EPS8L2: variants seen among roughly 807,000 people sequenced by gnomAD.
The protein encoded by EPS8L2 is epidermal growth factor receptor kinase substrate 8-like protein 2.
A neutral mutation model predicts 99.4 loss-of-function variants in EPS8L2; 81 were observed. The ratio of observed to expected loss-of-function variants is 0.82; its 90% CI spans 0.68 to 0.98. EPS8L2 has a LOEUF of 0.98. EPS8L2 is among the 50% of genes least tolerant of loss of function. The pLI is 0.00. For missense variants in EPS8L2, 1,155 were observed against 968.8 expected, an observed-to-expected ratio of 1.19 and a Z score of -2.55; for synonymous variants, 509 against 407.3, an observed-to-expected ratio of 1.25 and a Z score of -3.01.
chr11:725,633 C>G, intron 16 of EPS8L2, 95 bp from the exon 17 acceptor site: 1 of 1,202,990 alleles, frequency 8.3e-7, no homozygotes, highest in Non-Finnish European at 1.0e-6. Flanking sequence ...CCGGGAGACC[C>G]TAGGGCGCTC....
chr11:709,752 A>G, intron 3 of EPS8L2, 144 bp downstream of exon 3: 1 of 900,624 alleles, frequency 1.1e-6, no homozygotes, highest in Non-Finnish European at 1.7e-6. Flanking sequence ...TCTGGACCCT[A>G]ATCAACCTTC....
chr11:721,660 G>A lies in EPS8L2; in HGVS notation c.864G>A (p.Lys288=), dbSNP rs1283543296. The part of the protein sequence containing the change: ...EAFKQLNQRK[K]GKKKGKKAPA... ...TCAAGCAGCTGAACCAGCGGAAAAA[G>A]GGGAAGAAGAAGGGCAAGAAGGCGC... The change falls in exon 10 of 21, where the codon AAG becomes AAA. Residue 288 remains lysine, a synonymous_variant. Transcript: ENST00000318562. The A allele has an allele frequency of 4.4e-6, 7 of 1,587,538 alleles. No individual in the cohort carries two copies. Among genetic ancestry groups the A allele is most frequent in the Middle Eastern group, 1.7e-4 (1 of 5,950 alleles).
intron 16 of EPS8L2, among the ~76,000 whole-genome samples, chr11:725,297 G>A (rs1047479571): frequency 2.0e-5 from 3 of 152,224 alleles, no homozygotes; most frequent in Admixed American, 1.3e-4. Flanking sequence ...GATCCCTTTA[G>A]CCCACGAGTT....
intron 7 of EPS8L2, 34 bp downstream of exon 7, chr11:720,943 C>CGGGGAGGGGGGGAGCCCGGCA: frequency 4.0e-6 from 2 of 502,470 alleles, no homozygotes; most frequent in Non-Finnish European, 2.8e-6. Flanking sequence ...TCGCAGGGGG[C>CGGGGAGGGGGGGAGCCCGGCA]GGGGAGGGGA....
intron 12 of EPS8L2, 107 bp from the exon 13 acceptor site, chr11:722,294 C>T: frequency 6.5e-7 from 1 of 1,541,040 alleles, no homozygotes; most frequent in Non-Finnish European, 8.9e-7. Flanking sequence ...TGTGGCCACT[C>T]TCCCTGGGGT....
chr11:710,264 G>A (rs1196150823), intron 3 of EPS8L2, 158 bp from the exon 4 acceptor site: 1 of 670,518 alleles, frequency 1.5e-6, no homozygotes, highest in Non-Finnish European at 2.6e-6. Flanking sequence ...GCTTCCTGCA[G>A]GTCCTGATTT....
chr11:715,470 A>C (rs1294348989), intron 4 of EPS8L2, among the ~76,000 whole-genome samples: 1 of 152,010 alleles, frequency 6.6e-6, no homozygotes, highest in Non-Finnish European at 1.5e-5. Context: ...CTAGGGATTT[A>C]CCAAGTTTAT....
intron 18 of EPS8L2, 61 bp downstream of exon 18, chr11:726,231 T>TC: frequency 1.3e-6 from 2 of 1,540,058 alleles, no homozygotes. Flanking sequence ...GGAGGAAGTG[T>TC]GGGGGGGGTC....
chr11:709,459 CT>C lies in EPS8L2; in HGVS notation c.44+9del, dbSNP rs2133497947. On this transcript the variant is annotated intron_variant, in intron 2 of 20. Transcript: ENST00000318562. ...CTGCCCGGGTGCCACCAAGTGAGCC[CT>C]CCCACCCATCCCGAATACCCCACCC... The C allele has an allele frequency of 4.4e-6, 7 of 1,576,380 alleles. No homozygotes were observed. Among genetic ancestry groups the C allele is most frequent in the East Asian group, 2.3e-5 (1 of 43,702 alleles).
chr11:707,298 A>G (rs1005255508), intron 1 of EPS8L2, among the ~76,000 whole-genome samples: 1 of 152,096 alleles, frequency 6.6e-6, no homozygotes, highest in Admixed American at 6.5e-5. Context: ...CTTCCAAACA[A>G]GGACAGGGCC....
In EPS8L2 at chr11:710,468, C is replaced by T. The variant is rs1191670251; in HGVS notation, c.147C>T (p.Thr49=). The T allele has an allele frequency of 5.6e-6, 9 of 1,613,618 alleles. No individual in the cohort carries two copies. The African/African-American group carries it at 1.1e-4, about 19-fold the overall frequency. ...YSNSNVIMHE[T]SQYHVQHLAT... The stretch of plus-strand genomic sequence containing the variant: ...ACTCCAACGTCATCATGCACGAGAC[C>T]TCGCAGTACCACGTCCAGGTAAGGC... Residue 49 remains threonine (T), a synonymous_variant, in exon 4 of 21, where the codon ACC becomes ACT. Transcript: ENST00000318562.
chr11:720,423 C>T, intron 5 of EPS8L2, 174 bp from the exon 6 acceptor site: 1 of 1,178,962 alleles, frequency 8.5e-7, no homozygotes, highest in Non-Finnish European at 1.2e-6. Context: ...AAGCCGGGGT[C>T]AGCCTTGCGG....
Position 721,339 on chromosome 11 carries a change from T to TA in EPS8L2, c.756dup (p.Glu253ArgfsTer59). ...CCGCGGGCCGTGCTGGCTCAGAAGA[T>TA]AGAGAAGGAGACGGTGGGTGCCCGG... On this transcript the variant is annotated frameshift_variant, in exon 9 of 21. Coordinates refer to ENST00000318562, the MANE Select transcript of EPS8L2 (RefSeq NM_022772.4). LOFTEE classifies it high-confidence loss of function. 1 of 1,537,758 alleles carries TA rather than the reference T, an allele frequency of 6.5e-7. No individual in the cohort carries two copies. The highest frequency in any genetic ancestry group is 1.4e-5 in the African/African-American group (1 of 72,514).
chr11:710,430 A>G lies in EPS8L2; in HGVS notation c.109A>G (p.Lys37Glu). 6.2e-7 allele frequency: 1 copy of G among 1,613,512 alleles called. No individual in the cohort carries two copies. Among genetic ancestry groups the G allele is most frequent in the Non-Finnish European group, 8.5e-7 (1 of 1,179,908 alleles). Residue 37 changes from lysine to glutamate, a missense_variant, in exon 4 of 21, where the codon AAG becomes GAG. Transcript: ENST00000318562. ...MSPKDLFEQRKKYSNSNVIMH... is the reference protein window; with the variant it reads ...MSPKDLFEQREKYSNSNVIMH... ...GGTGTCTCCCGGTTCAGAGCAGAGG[A>G]AGAAGTATTCCAACTCCAACGTCAT...
At chr11:726,552 C>T (rs772839883) in intron 19 of EPS8L2, 67 bp from the exon 20 acceptor site, 14 of 1,506,964 alleles carry the variant, frequency 9.3e-6, no homozygotes, top group Middle Eastern at 1.9e-4. Context: ...AGGTGCGCAG[C>T]TGTCGGGGCG....
chr11:727,200 G>GCTTGTTGGTGCCAGCCC lies in EPS8L2; in HGVS notation c.*223_*224insTTGGTGCCAGCCCCTTG. Reference sequence around the variant, plus strand: ...AAGACTAATCTCAGCCAAACCTGCTGCTTGGTGGTGCCAGCCCCTTGTCCA... The same window carrying GCTTGTTGGTGCCAGCCC: ...AAGACTAATCTCAGCCAAACCTGCTGCTTGTTGGTGCCAGCCCCTTGGTGGTGCCAGCCCCTTGTCCA... On this transcript the variant is annotated 3_prime_UTR_variant, in exon 21 of 21. Coordinates refer to ENST00000318562, the MANE Select transcript of EPS8L2 (RefSeq NM_022772.4). 1 of 470,438 alleles carries GCTTGTTGGTGCCAGCCC rather than the reference G, an allele frequency of 2.1e-6. No individual in the cohort carries two copies. Among genetic ancestry groups the GCTTGTTGGTGCCAGCCC allele is most frequent in the Non-Finnish European group, 3.8e-6 (1 of 262,112 alleles). The allele number at this position is 470,438 out of a possible 1,614,324, so 29.1% of individuals were successfully genotyped here. A position where few individuals can be genotyped will look rare whatever the true frequency, so the allele number is the denominator to read the frequency against.
intron 3 of EPS8L2, chr11:710,035 G>A (rs1219032380): frequency 2.9e-6 from 1 of 349,028 alleles, no homozygotes; most frequent in Non-Finnish European, 5.4e-6. Context: ...AAGGTGCCTA[G>A]TCTGGAAAGC....
chr11:721,577 T>C lies in EPS8L2; in HGVS notation c.781T>C (p.Cys261Arg). Residue 261 changes from cysteine (C) to arginine (R), a missense_variant, in exon 10 of 21, where the codon TGC becomes CGC. Cys to Arg is a radical substitution (Grantham distance 180). Coordinates refer to ENST00000318562, the MANE Select transcript of EPS8L2 (RefSeq NM_022772.4). ...KIEKETQILNCALDDIEWFVA... is the reference protein window; with the variant it reads ...KIEKETQILNRALDDIEWFVA... ...CCTCTGACCCCAGCAAATCCTCAAC[T>C]GCGCCCTGGACGACATCGAGTGGTT... 1 of 1,563,154 alleles carries C rather than the reference T, an allele frequency of 6.4e-7. No individual in the cohort carries two copies. Among genetic ancestry groups the C allele is most frequent in the Non-Finnish European group, 8.6e-7 (1 of 1,158,650 alleles).
chr11:710,361 A>C (rs551232786), intron 3 of EPS8L2, 61 bp from the exon 4 acceptor site: 131 of 1,523,778 alleles, frequency 8.6e-5, no homozygotes, highest in Non-Finnish European at 1.2e-4. Flanking sequence ...GTCCAGTCCC[A>C]ACTGGACGGG....
Sources: gnomAD v4.1 joint callset for allele counts (sites outside exome capture counted in the v4.1 genomes callset) on GRCh38, gnomAD v4.1.1 for gene constraint, MANE v1.5 for transcripts, NCBI Gene and HGNC (gene_info 2026-07-23, HGNC 2026-07-21) for gene names.